Variants in SEM1 observed in about 807,000 individuals in gnomAD.
The protein encoded by SEM1 is SEM1 26S proteasome subunit.
Under a neutral mutation model 12.7 loss-of-function variants are expected in SEM1, and 3 were observed. The ratio of observed to expected loss-of-function variants is 0.24; its 90% CI spans 0.11 to 0.61. The LOEUF (loss-of-function observed/expected upper bound fraction) is 0.61, where lower values mean the gene tolerates loss of function less well. Ranked by LOEUF, SEM1 falls within the 20% of genes least tolerant of loss-of-function variation. The pLI is 0.88. For synonymous variants in SEM1, 30 were observed against 27.8 expected (o/e 1.08, Z -0.25); for missense variants, 59 against 81.3 (o/e 0.73, Z 1.06).
chr7:96,540,108 T>TTG (rs1804900925), intron 2 of SEM1, among the ~76,000 whole-genome samples: 1 of 151,450 alleles, frequency 6.6e-6, no homozygotes, highest in Admixed American at 6.6e-5. Flanking sequence ...GTGAAACTGA[T>TTG]AATACAAACA....
In SEM1 at chr7:96,642,315, A is replaced by G. The variant is rs140025215; in HGVS notation, c.171-19672T>C. On this transcript the variant is annotated intron_variant, in intron 2 of 2. Transcript: ENST00000417009. Reference sequence around the variant, plus strand: ...AGATATTCTACCTAGAGTTTATAGAATTTTAAATTTTCAGGTTGTAATTAT... The same window carrying G: ...AGATATTCTACCTAGAGTTTATAGAGTTTTAAATTTTCAGGTTGTAATTAT... Among the ~76,000 whole-genome samples, 4 of 152,202 alleles carry G rather than the reference A, an allele frequency of 2.6e-5. No homozygotes were observed. The East Asian group carries it at 7.7e-4, about 29-fold the overall frequency.
At chr7:96,560,026 ATTTG>A (rs1440538806) in intron 2 of SEM1, among the ~76,000 whole-genome samples, 3 of 152,334 alleles carry the variant, frequency 2.0e-5, no homozygotes, top group South Asian at 2.1e-4. Flanking sequence ...TGACTTCAGA[ATTTG>A]TTTGTTACAG....
intron 2 of SEM1, among the ~76,000 whole-genome samples, chr7:96,532,355 AT>A (rs1380356346): frequency 6.6e-6 from 1 of 152,094 alleles, no homozygotes; most frequent in Non-Finnish European, 1.5e-5. Flanking sequence ...CACTGCTAAT[AT>A]TTTGGTAAGA....
intron 2 of SEM1, among the ~76,000 whole-genome samples, chr7:96,590,269 T>A: frequency 6.6e-6 from 1 of 152,194 alleles, no homozygotes. Flanking sequence ...TTTGTTAGTA[T>A]AATTATGTCC....
chr7:96,644,052 T>A (rs919988179), intron 2 of SEM1, among the ~76,000 whole-genome samples: 3 of 152,066 alleles, frequency 2.0e-5, no homozygotes, highest in Non-Finnish European at 4.4e-5. Context: ...GGATGTAACT[T>A]GCCATTAGGT....
intron 2 of SEM1, among the ~76,000 whole-genome samples, chr7:96,591,680 T>G (rs564549480): frequency 2.0e-4 from 31 of 152,306 alleles, no homozygotes; most frequent in African/African-American, 7.5e-4. Flanking sequence ...TTAAACAATT[T>G]ATAGTTCCTT....
intron 2 of SEM1, among the ~76,000 whole-genome samples, chr7:96,518,540 C>A (rs1441756530): frequency 6.6e-6 from 1 of 152,124 alleles, no homozygotes; most frequent in Admixed American, 6.6e-5. Flanking sequence ...GTCCATATCT[C>A]TAATTACTGG....
At chr7:96,627,639 T>G (rs1181778202) in intron 2 of SEM1, among the ~76,000 whole-genome samples, 1 of 152,172 alleles carries the variant, frequency 6.6e-6, no homozygotes, top group Non-Finnish European at 1.5e-5. Context: ...AGATGCTTGA[T>G]ATGATTTCAA....
intron 1 of SEM1, among the ~76,000 whole-genome samples, chr7:96,701,687 T>C (rs1790279185): frequency 6.6e-6 from 1 of 152,004 alleles, no homozygotes. Context: ...AAAAACATAA[T>C]GGTTAATCTT....
chr7:96,588,588 A>G (rs1806731840), intron 2 of SEM1, among the ~76,000 whole-genome samples: 1 of 152,078 alleles, frequency 6.6e-6, no homozygotes, highest in African/African-American at 2.4e-5. Context: ...TAAGGAAGAA[A>G]AAAAGACAGT....
intron 1 of SEM1, 28 bp from the exon 2 acceptor site, chr7:96,694,919 A>G (rs1254257745): frequency 6.8e-7 from 1 of 1,473,038 alleles, no homozygotes; most frequent in East Asian, 2.3e-5. Flanking sequence ...TGCTGTCTAA[A>G]TATTTCTCAT....
At chr7:96,495,246 T>C (rs1803194617) in intron 1 of SEM1, among the ~76,000 whole-genome samples, 2 of 152,182 alleles carry the variant, frequency 1.3e-5, no homozygotes, top group African/African-American at 4.8e-5. Context: ...CTCCTATTTA[T>C]AGACATTGTA....
intron 2 of SEM1, among the ~76,000 whole-genome samples, chr7:96,586,077 G>T (rs2116100533): frequency 6.6e-6 from 1 of 152,308 alleles, no homozygotes; most frequent in African/African-American, 2.4e-5. Context: ...GGGCTCAAGT[G>T]ATCCTCTCGC....
At chr7:96,675,982 G>A (rs904711437) in intron 2 of SEM1, among the ~76,000 whole-genome samples, 1 of 152,174 alleles carries the variant, frequency 6.6e-6, no homozygotes, top group Non-Finnish European at 1.5e-5. Flanking sequence ...GGATTCTGTT[G>A]CAGGCAACCA....
At chr7:96,635,625 A>T (rs928890935) in intron 2 of SEM1, among the ~76,000 whole-genome samples, 1 of 151,928 alleles carries the variant, frequency 6.6e-6, no homozygotes, top group Admixed American at 6.6e-5. Context: ...GGATAGTTGA[A>T]GCAATATACA....
chr7:96,694,915 C>T, intron 1 of SEM1, 24 bp from the exon 2 acceptor site: 2 of 1,491,166 alleles, frequency 1.3e-6, no homozygotes, highest in Non-Finnish European at 1.9e-6. Context: ...CAGATGCTGT[C>T]TAAATATTTC....
chr7:96,539,159 T>C (rs1804875672), intron 2 of SEM1, among the ~76,000 whole-genome samples: 1 of 151,830 alleles, frequency 6.6e-6, no homozygotes, highest in African/African-American at 2.4e-5. Context: ...ACTGTATGGA[T>C]GAGCTTGCAA....
At chr7:96,631,247 G>T (rs769448946) in intron 2 of SEM1, among the ~76,000 whole-genome samples, 3 of 152,168 alleles carry the variant, frequency 2.0e-5, no homozygotes, top group Non-Finnish European at 4.4e-5. Context: ...GGCCTAGACT[G>T]CCACTGTAGC....
At chr7:96,486,167 T>A (rs926870687) in intron 2 of SEM1, 1 of 1,287,742 alleles carries the variant, frequency 7.8e-7, no homozygotes, top group Non-Finnish European at 1.0e-6. Flanking sequence ...TTTTCTACCT[T>A]TTTTTTTTTT....
Sources: gnomAD v4.1 joint callset for allele counts (sites outside exome capture counted in the v4.1 genomes callset) on GRCh38, gnomAD v4.1.1 for gene constraint, MANE v1.5 for transcripts, NCBI Gene and HGNC (gene_info 2026-07-23, HGNC 2026-07-21) for gene names.